The following MORC2 variants were observed in gnomAD, a reference collection of about 807,000 sequenced individuals.
The protein encoded by MORC2 is MORC family CW-type zinc finger 2.
MORC2 carries 30 observed loss-of-function variants against 136.0 expected under a neutral mutation model. That is an observed-to-expected ratio of 0.22 (90% CI 0.17 to 0.30). The LOEUF (loss-of-function observed/expected upper bound fraction) is 0.30, where lower values mean the gene tolerates loss of function less well. MORC2 is among the 10% of genes least tolerant of loss of function. The pLI is 1.00. For synonymous variants in MORC2, 439 were observed against 487.0 expected, an observed-to-expected ratio of 0.90 and a Z score of 1.30; for missense variants, 922 against 1,333.1, an observed-to-expected ratio of 0.69 and a Z score of 4.80.
chr22:30,967,798 C>G, intron 1 of MORC2, 24 bp downstream of exon 1: 1 of 1,550,832 alleles, frequency 6.4e-7, no homozygotes, highest in South Asian at 1.2e-5. Context: ...CTGGTTACCT[C>G]AGTGGCACCT....
In MORC2 at chr22:30,926,836, G is replaced by C. The variant is rs146032580; in HGVS notation, c.3066C>G (p.Ala1022=). ...IDINTDDELD[A]YIEDLITKGD is the part of the protein sequence containing the mutation. ...CCTTGGTGATGAGGTCCTCAATGTA[G>C]GCGTCCAGCTCATCATCTGTGTTGA... Residue 1022 remains alanine, a synonymous_variant, in exon 26 of 26, where the codon GCC becomes GCG. Coordinates refer to ENST00000397641, the MANE Select transcript of MORC2 (RefSeq NM_001303256.3). 1.2e-5 allele frequency: 19 copies of C among 1,613,570 alleles called. No homozygotes were observed. The African/African-American group carries it at 2.5e-4, about 22-fold the overall frequency.
chr22:30,930,434 C>G (rs1174233280), intron 24 of MORC2, among the ~76,000 whole-genome samples: 1 of 152,172 alleles, frequency 6.6e-6, no homozygotes, highest in African/African-American at 2.4e-5. Flanking sequence ...CTAGCTCCCT[C>G]GCCGAGCACC....
chr22:30,958,765 T>G, intron 1 of MORC2, 71 bp from the exon 2 acceptor site: 1 of 1,339,814 alleles, frequency 7.5e-7, no homozygotes, highest in Non-Finnish European at 1.0e-6. Flanking sequence ...AAGCCATGGT[T>G]ATAAAATATT....
At chr22:30,957,239 A>G (rs1286127081) in intron 2 of MORC2, among the ~76,000 whole-genome samples, 1 of 152,246 alleles carries the variant, frequency 6.6e-6, no homozygotes, top group African/African-American at 2.4e-5. Flanking sequence ...TCTCCCACAA[A>G]ACCTGTGAAA....
intron 21 of MORC2, 62 bp from the exon 22 acceptor site, chr22:30,933,092 G>A (rs973161655): frequency 1.9e-6 from 3 of 1,598,336 alleles, no homozygotes; most frequent in Non-Finnish European, 2.6e-6. Flanking sequence ...CTTGGCCTGG[G>A]CCACATCGAG....
chr22:30,949,369 C>T (rs1177224620), intron 5 of MORC2, among the ~76,000 whole-genome samples: 4 of 152,196 alleles, frequency 2.6e-5, no homozygotes, highest in Non-Finnish European at 5.9e-5. Context: ...AGCAGGTGCT[C>T]AGGGAACACT....
rs1472320160 is a variant in MORC2 at position 30,967,743 on chromosome 22, AT to A, written c.68+78del. 8 of 1,541,414 alleles carry A rather than the reference AT, an allele frequency of 5.2e-6. No homozygotes were observed. The East Asian group carries it at 1.7e-4, about 33-fold the overall frequency. On this transcript the variant is annotated intron_variant, in intron 1 of 25. Transcript: ENST00000397641. ...ACATCTCAAAAAGTGAAAAAGCAAA[AT>A]TTTCTGGGGAAACGATTTCCATATA... is the stretch of plus-strand genomic sequence containing the variant.
At chr22:30,935,392 G>A in intron 17 of MORC2, 70 bp from the exon 18 acceptor site, 1 of 1,470,892 alleles carries the variant, frequency 6.8e-7, no homozygotes, top group Non-Finnish European at 9.4e-7. Context: ...TTTGGATAGT[G>A]TCTGGAACCA....
At chr22:30,967,791 G>T (rs1347439687) in intron 1 of MORC2, 31 bp downstream of exon 1, 1 of 1,550,224 alleles carries the variant, frequency 6.5e-7, no homozygotes, top group Non-Finnish European at 8.7e-7. Flanking sequence ...CGAGTTACTG[G>T]TTACCTCAGT....
At chr22:30,957,347 G>A (rs757977469) in intron 2 of MORC2, among the ~76,000 whole-genome samples, 4 of 152,126 alleles carry the variant, frequency 2.6e-5, no homozygotes, top group Non-Finnish European at 5.9e-5. Context: ...GGATACCCCT[G>A]CCCCATTAGA....
intron 21 of MORC2, 48 bp downstream of exon 21, chr22:30,933,412 TCCACTC>T: frequency 6.3e-7 from 1 of 1,592,476 alleles, no homozygotes; most frequent in Non-Finnish European, 8.6e-7. Context: ...GGGCTCCACT[TCCACTC>T]CCACTCCCAC....
intron 1 of MORC2, 122 bp downstream of exon 1, chr22:30,967,700 A>G (rs923283179): frequency 6.7e-7 from 1 of 1,492,862 alleles, no homozygotes; most frequent in African/African-American, 1.4e-5. Context: ...CCAGTGACAC[A>G]TTTCACTCCA....
chr22:30,930,217 C>T (rs1398701629), intron 24 of MORC2, among the ~76,000 whole-genome samples: 2 of 152,208 alleles, frequency 1.3e-5, no homozygotes, highest in African/African-American at 4.8e-5. Flanking sequence ...AAGCCCACTG[C>T]AGAGATCCTG....
At position 30,934,924 on chromosome 22, in the gene MORC2, T is replaced by C. The variant is rs766675520; in HGVS notation, c.2050A>G (p.Thr684Ala). The C allele has an allele frequency of 1.2e-6, 2 of 1,614,008 alleles. No individual in the cohort carries two copies. Among genetic ancestry groups the C allele is most frequent in the Non-Finnish European group, 1.7e-6 (2 of 1,180,010 alleles). Reference sequence around the variant, plus strand: ...ACCAGAGGGGCAGGTCGGGATGCAGTCTTGACGAGAGTGTTGGCAGGCTTT... The same window carrying C: ...ACCAGAGGGGCAGGTCGGGATGCAGCCTTGACGAGAGTGTTGGCAGGCTTT... ...PRKPANTLVK[T>A]ASRPAPLVQQ... Residue 684 changes from threonine (T) to alanine (A), a missense_variant, in exon 19 of 26, where the codon ACT becomes GCT. Around this residue, in one of 9 missense-constraint regions of MORC2, gnomAD observed 184 missense variants for 180.3 expected, o/e 1.02. Transcript: ENST00000397641. This position sits in a 1 kb window ranked among gnomAD's most constrained non-coding sequence, Gnocchi z 4.4.
rs2040466300 is a variant in MORC2 at position 30,925,252 on chromosome 22, G to T, written c.*1551C>A. On this transcript the variant is annotated 3_prime_UTR_variant, in exon 26 of 26. Transcript: ENST00000397641. ...AATTTGCATTTGGATTAAAACATTAGGTTTGGGGACAAAAGTGGACCCCAT... is the reference window on the plus strand; with the variant it reads ...AATTTGCATTTGGATTAAAACATTATGTTTGGGGACAAAAGTGGACCCCAT... 3.3e-6 allele frequency: 1 copy of T among 300,700 alleles called. No individual in the cohort carries two copies. The allele number at this position is 300,700 out of a possible 1,614,324, so 18.6% of individuals were successfully genotyped here.
At chr22:30,960,999 G>A (rs2041037733) in intron 1 of MORC2, among the ~76,000 whole-genome samples, 1 of 151,724 alleles carries the variant, frequency 6.6e-6, no homozygotes, top group African/African-American at 2.4e-5. Flanking sequence ...CCGAGTAGCT[G>A]GGATTACAGG....
chr22:30,948,599 C>T (rs187702219), intron 5 of MORC2, among the ~76,000 whole-genome samples: 1 of 152,178 alleles, frequency 6.6e-6, no homozygotes, highest in Non-Finnish European at 1.5e-5. Flanking sequence ...GACGTAGTAG[C>T]GGAAGTGAGA....
In MORC2 at chr22:30,932,579, G is replaced by A. The variant is rs1402877477; in HGVS notation, c.2713C>T (p.His905Tyr). 1 of 1,614,208 alleles carries A rather than the reference G, an allele frequency of 6.2e-7. No homozygotes were observed. The highest frequency in any genetic ancestry group is 1.7e-5 in the Admixed American group (1 of 60,034). ...EPDTTALSTNHETIDLLVQIL... is the reference protein window; with the variant it reads ...EPDTTALSTNYETIDLLVQIL... ...TGGACAAGCAGGTCGATGGTCTCGTGATTGGTGCTCAGGGCAGTGGTGTCA... is the reference window on the plus strand; with the variant it reads ...TGGACAAGCAGGTCGATGGTCTCGTAATTGGTGCTCAGGGCAGTGGTGTCA... Residue 905 changes from histidine (H) to tyrosine (Y), a missense_variant, in exon 23 of 26, where the codon CAC becomes TAC. This residue lies in a region of MORC2 where 263 missense variants were observed against 388.3 expected (regional missense o/e 0.68). Coordinates refer to ENST00000397641, the MANE Select transcript of MORC2 (RefSeq NM_001303256.3). This position sits in a 1 kb window ranked among gnomAD's most constrained non-coding sequence, Gnocchi z 4.4.
At chr22:30,944,689 T>A (rs1368685135) in intron 6 of MORC2, among the ~76,000 whole-genome samples, 1 of 151,952 alleles carries the variant, frequency 6.6e-6, no homozygotes, top group Non-Finnish European at 1.5e-5. Flanking sequence ...GAGACCCCAC[T>A]CCCCAACTGC....
Sources: gnomAD v4.1 joint callset for allele counts (sites outside exome capture counted in the v4.1 genomes callset) on GRCh38, gnomAD v4.1.1 for gene constraint, gnomAD v4.1.1 regional missense constraint, Gnocchi (gnomAD v3.1) non-coding constraint, MANE v1.5 for transcripts, NCBI Gene and HGNC (gene_info 2026-07-23, HGNC 2026-07-21) for gene names.